The following TATDN1 variants were observed in gnomAD, a reference collection of about 807,000 sequenced individuals.
TATDN1 encodes the protein TatD DNase domain containing 1, also known as deoxyribonuclease TATDN1.
In TATDN1, 40 loss-of-function variants were observed where a neutral mutation model predicts 46.4. The observed-to-expected ratio is 0.86, with a 90% CI of 0.67 to 1.12. The LOEUF is 1.12. Among genes scored for constraint, TATDN1 ranks in the 50% most tolerant of loss-of-function variants. The pLI is 0.00. For synonymous variants in TATDN1, 95 were observed against 105.6 expected (o/e 0.90, Z 0.62); for missense variants, 326 against 348.4 (o/e 0.94, Z 0.51).
In TATDN1 at chr8:124,515,943, A is replaced by G. The variant is rs769041231; in HGVS notation, c.290T>C (p.Leu97Pro). 6 of 1,614,098 alleles carry G rather than the reference A, an allele frequency of 3.7e-6. No individual in the cohort carries two copies. In the African/African-American group the frequency reaches 8.0e-5, roughly 22 times the overall value. The change falls in exon 5 of 12, where the codon CTA (leucine) becomes CCA (proline). Residue 97 changes from leucine (L) to proline (P), a missense_variant. Physicochemically the swap from Leu to Pro is moderately conservative, Grantham distance 98. Transcript: ENST00000276692. ...CCCTTTATTGTTTTCAGCAAGATTT[A>G]GCAACTCCTTTAAGTAAAGATCAGG... The part of the protein sequence containing the change: ...NNPDLYLKEL[L>P]NLAENNKGKV...
chr8:124,512,684 T>C (rs1171578535), intron 6 of TATDN1, among the ~76,000 whole-genome samples: 1 of 152,164 alleles, frequency 6.6e-6, no homozygotes, highest in Non-Finnish European at 1.5e-5. Context: ...GTCACATGAG[T>C]AAGACTTGGT....
chr8:124,514,119 C>G (rs1271329162), intron 6 of TATDN1, among the ~76,000 whole-genome samples: 1 of 152,090 alleles, frequency 6.6e-6, no homozygotes, highest in African/African-American at 2.4e-5. Context: ...TACGTTAACC[C>G]ATCCTATTCT....
intron 10 of TATDN1, chr8:124,494,275 T>C (rs72713068): frequency 0.085 from 14,735 of 172,878 alleles, 977 homozygotes; most frequent in South Asian, 0.29. Context: ...AGTTTTTTTT[T>C]CAGTTTTCAA....
At chr8:124,538,017 C>A (rs1173862648) in intron 1 of TATDN1, among the ~76,000 whole-genome samples, 2 of 152,122 alleles carry the variant, frequency 1.3e-5, no homozygotes, top group African/African-American at 4.8e-5. Context: ...ATTGCCAGAC[C>A]ACATTCCCAA....
chr8:124,531,822 T>C (rs1820985593), intron 1 of TATDN1, among the ~76,000 whole-genome samples: 1 of 152,198 alleles, frequency 6.6e-6, no homozygotes, highest in African/African-American at 2.4e-5. Flanking sequence ...AGAGCCACCA[T>C]ACAGTAGTAC....
chr8:124,489,791 T>G (rs769317985), intron 11 of TATDN1: 2 of 152,236 alleles, frequency 1.3e-5, no homozygotes, highest in African/African-American at 2.4e-5. Flanking sequence ...TGGAAGATTT[T>G]TAATACATGA....
intron 4 of TATDN1, among the ~76,000 whole-genome samples, chr8:124,517,390 TGCAC>T (rs1233610670): frequency 6.8e-6 from 1 of 147,732 alleles, no homozygotes; most frequent in East Asian, 2.0e-4. Flanking sequence ...ATCGTGCCAT[TGCAC>T]TCCAGCCTGG....
intron 4 of TATDN1, among the ~76,000 whole-genome samples, chr8:124,518,197 G>A (rs559946015): frequency 1.4e-4 from 15 of 106,108 alleles, no homozygotes; most frequent in Non-Finnish European, 1.9e-4. Context: ...GGGCGACAGA[G>A]TGAGACTCTA....
intron 3 of TATDN1, among the ~76,000 whole-genome samples, chr8:124,520,654 G>A (rs1044135243): frequency 5.9e-5 from 9 of 151,610 alleles, no homozygotes; most frequent in African/African-American, 2.2e-4. Flanking sequence ...ATAAAATAAC[G>A]ATGATGGGCC....
intron 11 of TATDN1, among the ~76,000 whole-genome samples, chr8:124,490,781 C>G (rs1816925118): frequency 6.7e-6 from 1 of 150,372 alleles, no homozygotes; most frequent in Admixed American, 6.6e-5. Context: ...GAGTCTTACA[C>G]TGTGGCCCAA....
chr8:124,501,188 C>A (rs1328153607), intron 9 of TATDN1, among the ~76,000 whole-genome samples: 1 of 152,202 alleles, frequency 6.6e-6, no homozygotes, highest in Admixed American at 6.5e-5. Context: ...GTGAGATCCT[C>A]TAACCCATCC....
At chr8:124,534,063 G>A (rs976189450) in intron 1 of TATDN1, among the ~76,000 whole-genome samples, 7 of 145,962 alleles carry the variant, frequency 4.8e-5, no homozygotes, top group South Asian at 2.2e-4. Flanking sequence ...GGAGAATGGC[G>A]TGAACCTGGG....
intron 9 of TATDN1, chr8:124,503,940 G>A: frequency 7.6e-7 from 1 of 1,307,246 alleles, no homozygotes; most frequent in Non-Finnish European, 1.0e-6. Context: ...ACGTGTATAT[G>A]TATACATAAT....
At chr8:124,498,415 A>G (rs1586570993) in intron 9 of TATDN1, among the ~76,000 whole-genome samples, 1 of 128,644 alleles carries the variant, frequency 7.8e-6, no homozygotes, top group Non-Finnish European at 1.7e-5. Flanking sequence ...TCTTAAGAAA[A>G]CCCCCACCCC....
chr8:124,526,784 T>C (rs1254074230), intron 1 of TATDN1: 3 of 152,242 alleles, frequency 2.0e-5, no homozygotes, highest in Non-Finnish European at 2.9e-5. Flanking sequence ...GCCTCAGTTA[T>C]TGGGCTCACT....
chr8:124,536,570 G>T (rs754502999), intron 1 of TATDN1, among the ~76,000 whole-genome samples: 7 of 152,072 alleles, frequency 4.6e-5, no homozygotes, highest in Non-Finnish European at 8.8e-5. Context: ...CCCACTGTTG[G>T]GGTATAGTTC....
In TATDN1 at chr8:124,495,594, T is replaced by C. The variant is rs1817396830; in HGVS notation, c.594-52A>G. 5 of 1,377,696 alleles carry C rather than the reference T, an allele frequency of 3.6e-6. No homozygotes were observed. In the South Asian group the frequency reaches 6.3e-5, roughly 17 times the overall value. 85.3% of individuals were successfully genotyped at this position (1,377,696 alleles called of 1,614,324 possible). On this transcript the variant is annotated intron_variant, in intron 9 of 11. Coordinates refer to ENST00000276692, the MANE Select transcript of TATDN1 (RefSeq NM_032026.4). ...AAAAGGCAGCAATTAACGAATACCT[T>C]TTTTCGTATCACAACTTGTCTAAAA... is the stretch of plus-strand genomic sequence containing the variant.
chr8:124,513,419 A>G (rs1470430163), intron 6 of TATDN1, among the ~76,000 whole-genome samples: 1 of 151,988 alleles, frequency 6.6e-6, no homozygotes, highest in Non-Finnish European at 1.5e-5. Context: ...AGCACTTCCA[A>G]CCTATTTTAA....
intron 6 of TATDN1, 57 bp downstream of exon 6, chr8:124,515,689 A>G: frequency 6.6e-7 from 1 of 1,523,668 alleles, no homozygotes; most frequent in Non-Finnish European, 9.0e-7. Context: ...GATACAAGAT[A>G]TTTTAAAAAT....
Sources: gnomAD v4.1 joint callset for allele counts (sites outside exome capture counted in the v4.1 genomes callset) on GRCh38, gnomAD v4.1.1 for gene constraint, MANE v1.5 for transcripts, NCBI Gene and HGNC (gene_info 2026-07-23, HGNC 2026-07-21) for gene names.